The following COL12A1 variants were observed in gnomAD, a reference collection of about 807,000 sequenced individuals.
The protein encoded by COL12A1 is collagen alpha-1(XII) chain.
A neutral mutation model predicts 349.7 loss-of-function variants in COL12A1; 114 were observed. The ratio of observed to expected loss-of-function variants is 0.33; its 90% CI spans 0.28 to 0.38. The LOEUF (loss-of-function observed/expected upper bound fraction) is 0.38, where lower values mean the gene tolerates loss of function less well. COL12A1 is among the 10% of genes least tolerant of loss of function. The probability of loss-of-function intolerance (pLI) is 1.00; values close to 1 mark genes in which losing one functional copy is unlikely to be tolerated. For synonymous variants in COL12A1, 1,369 were observed against 1,329.0 expected, an observed-to-expected ratio of 1.03 and a Z score of -0.66; for missense variants, 3,284 against 3,756.9, an observed-to-expected ratio of 0.87 and a Z score of 3.29.
At chr6:75,117,933 G>A (rs962385648) in intron 46 of COL12A1, among the ~76,000 whole-genome samples, 8 of 152,038 alleles carry the variant, frequency 5.3e-5, no homozygotes, top group Admixed American at 2.6e-4. Flanking sequence ...TAAAATCTGG[G>A]TTCTTGAAAC....
chr6:75,089,924 A>G (rs922516165), intron 63 of COL12A1, among the ~76,000 whole-genome samples, 186 bp downstream of exon 63: 1 of 152,230 alleles, frequency 6.6e-6, no homozygotes, highest in Non-Finnish European at 1.5e-5. Flanking sequence ...TGATAAAAAC[A>G]TACCATTTTT....
Position 75,202,831 on chromosome 6 carries a change from C to T in COL12A1, c.-35-4G>A. ...GCTTACAGCGGCATGAAGAGATCTG[C>T]GGGAGGAAGTAGTGACTGCATCAGA... On this transcript the variant is annotated splice_polypyrimidine_tract_variant and splice_region_variant and intron_variant, in intron 1 of 65. Coordinates refer to ENST00000322507, the MANE Select transcript of COL12A1 (RefSeq NM_004370.6). 5 of 1,540,562 alleles carry T rather than the reference C, an allele frequency of 3.2e-6. No individual in the cohort carries two copies. In the East Asian group the frequency reaches 1.2e-4, roughly 38 times the overall value.
intron 58 of COL12A1, among the ~76,000 whole-genome samples, chr6:75,101,111 C>T (rs1768283897): frequency 6.6e-6 from 1 of 152,122 alleles, no homozygotes; most frequent in Non-Finnish European, 1.5e-5. Context: ...GGCAAATTCC[C>T]TACTAAATAC....
chr6:75,183,740 T>TA lies in COL12A1; in HGVS notation c.1289-89_1289-88insT. ...TAGCTTTCTTAGTAAGCGTGCTTCT[T>TA]TAAAAAAAAAACTATTGCAAATATT... On this transcript the variant is annotated intron_variant, in intron 9 of 65. Coordinates refer to ENST00000322507, the MANE Select transcript of COL12A1 (RefSeq NM_004370.6). The TA allele has an allele frequency of 2.8e-6, 4 of 1,417,258 alleles. No individual in the cohort carries two copies. In the African/African-American group the frequency reaches 6.7e-5, roughly 24 times the overall value. 87.8% of individuals were successfully genotyped at this position (1,417,258 alleles called of 1,614,324 possible).
intron 52 of COL12A1, 45 bp from the exon 53 acceptor site, chr6:75,106,541 C>T (rs1250640353): frequency 6.4e-7 from 1 of 1,552,800 alleles, no homozygotes; most frequent in East Asian, 2.2e-5. Flanking sequence ...GCATGAAAAA[C>T]ATTTTATATT....
At position 75,127,635 on chromosome 6, in the gene COL12A1, G is replaced by A. The variant is rs550232368; in HGVS notation, c.6340+661C>T. Among the ~76,000 whole-genome samples, 16 of 152,218 alleles carry A rather than the reference G, an allele frequency of 1.1e-4. 2 individuals are homozygous for A. The highest frequency in any genetic ancestry group is 1.0e-3 in the Admixed American group (16 of 15,288). On this transcript the variant is annotated intron_variant, in intron 38 of 65. Coordinates refer to ENST00000322507, the MANE Select transcript of COL12A1 (RefSeq NM_004370.6). ...ATTAATTAGAACATCAGCAGGTCCAGCCCACACCTCACATAGTTACATCAG... is the reference window on the plus strand; with the variant it reads ...ATTAATTAGAACATCAGCAGGTCCAACCCACACCTCACATAGTTACATCAG...
intron 2 of COL12A1, among the ~76,000 whole-genome samples, chr6:75,201,893 C>G (rs1242046206): frequency 6.6e-6 from 1 of 152,198 alleles, no homozygotes; most frequent in Non-Finnish European, 1.5e-5. Flanking sequence ...CATCTCGGAG[C>G]GCCCCACTGC....
At chr6:75,134,639 G>C (rs1228845347) in intron 32 of COL12A1, 87 bp downstream of exon 32, 1 of 1,214,638 alleles carries the variant, frequency 8.2e-7, no homozygotes, top group Non-Finnish European at 1.1e-6. Flanking sequence ...GTAAAACTTT[G>C]TGTCACCCCA....
chr6:75,177,548 A>G (rs1358735799), intron 12 of COL12A1, 115 bp downstream of exon 12: 2 of 1,321,040 alleles, frequency 1.5e-6, no homozygotes, highest in Non-Finnish European at 2.1e-6. Flanking sequence ...GGTCTAACAT[A>G]CTCAAACAAT....
At chr6:75,124,575 A>G (rs1037941520) in intron 40 of COL12A1, among the ~76,000 whole-genome samples, 12 of 152,148 alleles carry the variant, frequency 7.9e-5, no homozygotes, top group African/African-American at 2.9e-4. Flanking sequence ...CTGATTTTCA[A>G]GGAAAGGAAA....
chr6:75,132,911 T>C (rs150857069), intron 34 of COL12A1, among the ~76,000 whole-genome samples: 448 of 152,292 alleles, frequency 2.9e-3, no homozygotes, highest in Middle Eastern at 0.01. Flanking sequence ...CAAAGACATA[T>C]GAAATTAAGT....
chr6:75,125,514 A>G (rs1465055253), intron 39 of COL12A1, among the ~76,000 whole-genome samples: 2 of 152,154 alleles, frequency 1.3e-5, no homozygotes, highest in Non-Finnish European at 2.9e-5. Context: ...TAGTAGGTAT[A>G]TAATCAATGT....
In COL12A1 at chr6:75,135,181, AG is replaced by A. The variant is rs374510254; in HGVS notation, c.5395-327del. Among the ~76,000 whole-genome samples, 676 of 152,268 alleles carry A rather than the reference AG, an allele frequency of 4.4e-3. 11 individuals are homozygous for A. Among genetic ancestry groups the A allele is most frequent in the African/African-American group, 0.015 (641 of 41,558 alleles). ...AAGGGGGCGGGGGGGACTAATCATA[AG>A]TGAGCTACAAAGGGACTTTAAGATA... On this transcript the variant is annotated intron_variant, in intron 31 of 65. Coordinates refer to ENST00000322507, the MANE Select transcript of COL12A1 (RefSeq NM_004370.6).
chr6:75,171,216 G>GA (rs1210411310), intron 13 of COL12A1, among the ~76,000 whole-genome samples: 5 of 151,994 alleles, frequency 3.3e-5, no homozygotes, highest in African/African-American at 1.2e-4. Context: ...AACAACAGGG[G>GA]AAAAAAACAA....
intron 14 of COL12A1, among the ~76,000 whole-genome samples, chr6:75,165,240 G>T (rs550696594): frequency 6.6e-6 from 1 of 151,894 alleles, no homozygotes; most frequent in Admixed American, 6.6e-5. Context: ...TTTACTAGTT[G>T]GGTATTCTAT....
rs148975094 is a variant in COL12A1 at position 75,118,654 on chromosome 6, A to G, written c.7354+389T>C. The stretch of plus-strand genomic sequence containing the variant: ...ATCTTTTAGCACTCATTAAGTCTGC[A>G]TCTGCAAAGATGTGCTAAAGCTAAA... On this transcript the variant is annotated intron_variant, in intron 46 of 65. Coordinates refer to ENST00000322507, the MANE Select transcript of COL12A1 (RefSeq NM_004370.6). Among the ~76,000 whole-genome samples, 9 of 152,360 alleles carry G rather than the reference A, an allele frequency of 5.9e-5. No individual in the cohort carries two copies. The East Asian group carries it at 9.6e-4, about 16-fold the overall frequency.
intron 37 of COL12A1, among the ~76,000 whole-genome samples, chr6:75,129,033 G>A (rs1414631274): frequency 6.6e-6 from 1 of 152,156 alleles, no homozygotes; most frequent in Non-Finnish European, 1.5e-5. Flanking sequence ...CAAACAACAT[G>A]GATAAGGTAT....
Position 75,192,365 on chromosome 6 carries a change from T to G in COL12A1, c.191-10A>C. The G allele has an allele frequency of 6.2e-7, 1 of 1,608,430 alleles. No homozygotes were observed. The highest frequency in any genetic ancestry group is 8.5e-7 in the Non-Finnish European group (1 of 1,176,822). On this transcript the variant is annotated splice_polypyrimidine_tract_variant and intron_variant, in intron 3 of 65. Transcript: ENST00000322507. ...TCTTTAGTAGGCCCATCTGGAAATATAAAAAGGAAAAATATGAATGCAACA... is the reference window on the plus strand; with the variant it reads ...TCTTTAGTAGGCCCATCTGGAAATAGAAAAAGGAAAAATATGAATGCAACA...
intron 39 of COL12A1, among the ~76,000 whole-genome samples, chr6:75,125,898 A>T (rs1765989878): frequency 6.6e-6 from 1 of 152,156 alleles, no homozygotes; most frequent in South Asian, 2.1e-4. Flanking sequence ...ATAACAAATA[A>T]TTTAATCAAG....
Sources: allele counts gnomAD v4.1 joint callset (sites outside exome capture counted in the v4.1 genomes callset), GRCh38; gene constraint gnomAD v4.1.1; transcripts MANE v1.5; gene names NCBI Gene and HGNC (gene_info 2026-07-23, HGNC 2026-07-21).